Variants in NPAS3 observed in about 807,000 individuals in gnomAD.
NPAS3 encodes neuronal PAS domain protein 3.
NPAS3 carries 14 observed loss-of-function variants against 73.1 expected under a neutral mutation model. The ratio of observed to expected loss-of-function variants is 0.19; its 90% CI spans 0.13 to 0.30. The LOEUF is 0.30. Among genes scored for constraint, NPAS3 ranks in the 10% least tolerant of loss-of-function variants. The pLI is 1.00. For missense variants in NPAS3, 1,096 were observed against 1,250.0 expected, an observed-to-expected ratio of 0.88 and a Z score of 1.86; for synonymous variants, 620 against 541.5, an observed-to-expected ratio of 1.14 and a Z score of -2.01.
intron 3 of NPAS3, among the ~76,000 whole-genome samples, chr14:33,334,302 T>C (rs1365172599): frequency 6.6e-6 from 1 of 152,186 alleles, no homozygotes; most frequent in East Asian, 1.9e-4. Context: ...TTTATAGTTA[T>C]GCGACCATCA....
At chr14:33,354,135 C>T (rs369097744) in intron 3 of NPAS3, among the ~76,000 whole-genome samples, 59 of 152,164 alleles carry the variant, frequency 3.9e-4, no homozygotes, top group African/African-American at 1.3e-3. Context: ...TTTTGCTTGC[C>T]GCTGCTTCTC....
At chr14:33,514,411 C>A (rs2053204062) in intron 4 of NPAS3, among the ~76,000 whole-genome samples, 1 of 151,998 alleles carries the variant, frequency 6.6e-6, no homozygotes, top group Admixed American at 6.6e-5. Context: ...GTTATTCCTG[C>A]TTTGCACTTA....
chr14:33,536,463 A>G (rs1273612341), intron 4 of NPAS3, among the ~76,000 whole-genome samples: 1 of 152,218 alleles, frequency 6.6e-6, no homozygotes, highest in East Asian at 1.9e-4. Flanking sequence ...ATGCAGAGAT[A>G]GAAAAATATT....
intron 2 of NPAS3, among the ~76,000 whole-genome samples, chr14:33,122,146 G>A: frequency 6.6e-6 from 1 of 151,994 alleles, no homozygotes; most frequent in African/African-American, 2.4e-5. Flanking sequence ...CTTAGAAACA[G>A]CACTGGGCTG....
At chr14:33,602,089 G>A (rs770719322) in intron 5 of NPAS3, among the ~76,000 whole-genome samples, 28 of 152,172 alleles carry the variant, frequency 1.8e-4, no homozygotes, top group Admixed American at 8.5e-4. Flanking sequence ...CGAGAGTGTG[G>A]GGAGACCTCG....
At chr14:33,774,015 T>C (rs8018631) in intron 7 of NPAS3, among the ~76,000 whole-genome samples, 25,398 of 152,220 alleles carry the variant, frequency 0.17, 2,562 homozygotes, top group Admixed American at 0.24. Context: ...ATGCACATGT[T>C]TCCTTTTGCA....
intron 3 of NPAS3, among the ~76,000 whole-genome samples, chr14:33,236,084 C>A (rs2048024508): frequency 6.6e-6 from 1 of 151,898 alleles, no homozygotes; most frequent in African/African-American, 2.4e-5. Context: ...GTACACCCAG[C>A]CCCAGGGTTC....
chr14:33,685,631 A>G (rs1595437734), intron 6 of NPAS3, among the ~76,000 whole-genome samples: 1 of 152,202 alleles, frequency 6.6e-6, no homozygotes, highest in East Asian at 1.9e-4. Context: ...TTCACTAACT[A>G]ACTGAAATTC....
At chr14:33,348,006 G>C (rs1303620782) in intron 3 of NPAS3, among the ~76,000 whole-genome samples, 1 of 152,118 alleles carries the variant, frequency 6.6e-6, no homozygotes, top group Non-Finnish European at 1.5e-5. Flanking sequence ...CTTCCAGGAA[G>C]GTCCCTGTTT....
At position 33,001,086 on chromosome 14, in the gene NPAS3, C is replaced by T. The variant is rs543009735; in HGVS notation, c.51-54819C>T. Among the ~76,000 whole-genome samples, 87 of 152,286 alleles carry T rather than the reference C, an allele frequency of 5.7e-4. 1 individual carries two copies. The South Asian group carries it at 0.01, about 18-fold the overall frequency. Reference sequence around the variant, plus strand: ...AAAATCAAAGGTTACTTTTTTACATCGGATCCAATGGGAATCTTTGTGTGT... The same window carrying T: ...AAAATCAAAGGTTACTTTTTTACATTGGATCCAATGGGAATCTTTGTGTGT... On this transcript the variant is annotated intron_variant, in intron 1 of 11. Coordinates refer to ENST00000356141, the Ensembl canonical transcript of NPAS3.
chr14:33,752,862 A>G (rs1336010504), intron 7 of NPAS3, among the ~76,000 whole-genome samples: 1 of 151,982 alleles, frequency 6.6e-6, no homozygotes, highest in African/African-American at 2.4e-5. Flanking sequence ...CTCAAGTTCA[A>G]CTCTCTGTGT....
chr14:33,090,369 T>A (rs966437958), intron 2 of NPAS3, among the ~76,000 whole-genome samples: 1 of 152,088 alleles, frequency 6.6e-6, no homozygotes, highest in African/African-American at 2.4e-5. Flanking sequence ...TAAAACAGAC[T>A]TTAAACCAAC....
At chr14:33,465,050 T>C (rs2050445911) in intron 4 of NPAS3, among the ~76,000 whole-genome samples, 2 of 152,206 alleles carry the variant, frequency 1.3e-5, no homozygotes, top group African/African-American at 4.8e-5. Context: ...TGTGTTGCCC[T>C]TAGTCACTCA....
chr14:32,935,634 G>C (rs1288569225), upstream of NPAS3, among the ~76,000 whole-genome samples: 1 of 152,186 alleles, frequency 6.6e-6, no homozygotes, highest in African/African-American at 2.4e-5. Context: ...ACAAAGTCAG[G>C]CTAGGTGGTG....
intron 2 of NPAS3, among the ~76,000 whole-genome samples, chr14:33,201,775 T>C (rs1210219730): frequency 6.6e-6 from 1 of 152,178 alleles, no homozygotes; most frequent in Non-Finnish European, 1.5e-5. Flanking sequence ...TGGGGGCACA[T>C]TGAGAAAATT....
At chr14:33,547,428 A>G (rs141511549) in intron 4 of NPAS3, among the ~76,000 whole-genome samples, 2 of 152,306 alleles carry the variant, frequency 1.3e-5, no homozygotes, top group African/African-American at 4.8e-5. Context: ...TTGGTCTTCA[A>G]AATTTGTCAG....
intron 3 of NPAS3, among the ~76,000 whole-genome samples, chr14:33,354,196 A>G (rs940723714): frequency 7.2e-5 from 11 of 152,016 alleles, no homozygotes; most frequent in Non-Finnish European, 1.6e-4. Context: ...AAGCTTGGGT[A>G]TGTTCCCGTT....
chr14:33,682,318 T>A (rs745553704), intron 6 of NPAS3, among the ~76,000 whole-genome samples: 3 of 152,232 alleles, frequency 2.0e-5, no homozygotes, highest in African/African-American at 4.8e-5. Flanking sequence ...CAGCTGTGCC[T>A]GTATGCGGCA....
intron 6 of NPAS3, among the ~76,000 whole-genome samples, chr14:33,713,204 T>C (rs1474678593): frequency 6.6e-6 from 1 of 152,208 alleles, no homozygotes; most frequent in Non-Finnish European, 1.5e-5. Context: ...AGGTCTCATA[T>C]AGTAAGTCGA....
Sources: gnomAD v4.1 joint callset for allele counts (sites outside exome capture counted in the v4.1 genomes callset) on GRCh38, gnomAD v4.1.1 for gene constraint, MANE v1.5 for transcripts, NCBI Gene and HGNC (gene_info 2026-07-23, HGNC 2026-07-21) for gene names.